MAPK12: variants seen among roughly 807,000 people sequenced by gnomAD.
MAPK12 encodes mitogen-activated protein kinase 12, also known as MAP kinase 12.
MAPK12 carries 49 observed loss-of-function variants against 49.1 expected under a neutral mutation model. The observed-to-expected ratio is 1.00, with a 90% CI of 0.79 to 1.27. MAPK12 has a LOEUF of 1.27. Ranked by LOEUF, MAPK12 falls within the 50% of genes most tolerant of loss-of-function variation. MAPK12 has a pLI of 0.00. For missense variants in MAPK12, 554 were observed against 502.4 expected, an observed-to-expected ratio of 1.10 and a Z score of -0.98; for synonymous variants, 251 against 209.7, an observed-to-expected ratio of 1.20 and a Z score of -1.70.
chr22:50,256,018 G>A, intron 7 of MAPK12, 67 bp downstream of exon 7: 1 of 1,533,954 alleles, frequency 6.5e-7, no homozygotes, highest in Non-Finnish European at 8.9e-7. Context: ...CCACAGGGCT[G>A]TCCGTGAAGA....
At chr22:50,258,176 C>G in intron 3 of MAPK12, 67 bp downstream of exon 3, 1 of 1,497,638 alleles carries the variant, frequency 6.7e-7, no homozygotes, top group Non-Finnish European at 9.3e-7. Flanking sequence ...AACCTAGAAC[C>G]TGAAGCCAGT....
At chr22:50,253,609 C>T (rs1385363478) in intron 11 of MAPK12, 129 bp from the exon 12 acceptor site, 2 of 642,330 alleles carry the variant, frequency 3.1e-6, no homozygotes, top group Admixed American at 4.6e-5. Context: ...GTGGTCTGAA[C>T]CACTGAGAGA....
chr22:50,257,487 G>A (rs555878483), intron 3 of MAPK12: 54 of 523,586 alleles, frequency 1.0e-4, no homozygotes, highest in South Asian at 1.0e-3. Context: ...CCGCTGAAGC[G>A]CCCTGCGTGC....
At chr22:50,255,578 G>GCCCCCCCCCCCCCCCCCCCCCCCCCCCAC in intron 9 of MAPK12, 37 bp downstream of exon 9, 1 of 1,581,974 alleles carries the variant, frequency 6.3e-7, no homozygotes, top group Non-Finnish European at 8.7e-7. Flanking sequence ...GCCCAGGTCC[G>GCCCCCCCCCCCCCCCCCCCCCCCCCCCAC]CCCCCACCCC....
In MAPK12 at chr22:50,255,698, C is replaced by T. The variant is rs1420278168; in HGVS notation, c.692-4G>A. 6.2e-7 allele frequency: 1 copy of T among 1,609,838 alleles called. No individual in the cohort carries two copies. The highest frequency in any genetic ancestry group is 1.1e-5 in the South Asian group (1 of 91,086). On this transcript the variant is annotated splice_region_variant and splice_polypyrimidine_tract_variant and intron_variant, in intron 8 of 11. Coordinates refer to ENST00000215659, the MANE Select transcript of MAPK12 (RefSeq NM_002969.6). Reference sequence around the variant, plus strand: ...ATCTCCTTCAGCTGGTCCAGGTCTGCACCGAGGTCAGGAACACAGCTCGGG... The same window carrying T: ...ATCTCCTTCAGCTGGTCCAGGTCTGTACCGAGGTCAGGAACACAGCTCGGG...
intron 2 of MAPK12, among the ~76,000 whole-genome samples, chr22:50,259,899 GA>G (rs1371795496): frequency 7.7e-6 from 1 of 129,546 alleles, no homozygotes; most frequent in African/African-American, 2.8e-5. Context: ...GAAAAAAAAA[GA>G]AAAAAAGCCC....
At position 50,255,336 on chromosome 22, in the gene MAPK12, G is replaced by A. The variant is rs772006683; in HGVS notation, c.885C>T (p.Asp295=). The A allele has an allele frequency of 1.1e-5, 18 of 1,613,388 alleles. No individual in the cohort carries two copies. Among genetic ancestry groups the A allele is most frequent in the Admixed American group, 6.7e-5 (4 of 60,008 alleles). ...CGCCTGCCGTCACCCGCTGCTCCGC[G>A]TCCAGCACCAGCATCTTCTCCAGGA... The part of the protein sequence containing the change: ...VNLLEKMLVL[D]AEQRVTAGEA... Residue 295 remains aspartate (D), a synonymous_variant, in exon 11 of 12, where the codon GAC becomes GAT. Transcript: ENST00000215659.
intron 11 of MAPK12, 153 bp from the exon 12 acceptor site, chr22:50,253,633 G>T: frequency 1.6e-6 from 1 of 621,584 alleles, no homozygotes; most frequent in Non-Finnish European, 2.9e-6. Context: ...TTTGTGTGAA[G>T]AGGCCATTGC....
At chr22:50,260,646 C>T (rs1248514654) in intron 2 of MAPK12, among the ~76,000 whole-genome samples, 1 of 152,202 alleles carries the variant, frequency 6.6e-6, no homozygotes, top group African/African-American at 2.4e-5. Flanking sequence ...CCCCCAGGGG[C>T]TCCTGAGGGT....
At chr22:50,261,087 G>A (rs1465805094) in intron 2 of MAPK12, 80 bp downstream of exon 2, 8 of 1,403,640 alleles carry the variant, frequency 5.7e-6, no homozygotes, top group African/African-American at 3.0e-5. Flanking sequence ...TGGAGGAGGG[G>A]TTGCCGGGTG....
chr22:50,254,994 G>A (rs1354110657), intron 11 of MAPK12: 8 of 1,452,484 alleles, frequency 5.5e-6, no homozygotes, highest in Non-Finnish European at 7.2e-6. Context: ...CACCTGACCT[G>A]CATCCCAGGG....
intron 3 of MAPK12, chr22:50,258,015 A>G (rs1485786563): frequency 2.7e-6 from 2 of 732,414 alleles, no homozygotes; most frequent in African/African-American, 3.5e-5. Context: ...CCAGGCGTGG[A>G]GAGAGGCAGC....
chr22:50,255,146 A>C, intron 11 of MAPK12, 51 bp downstream of exon 11: 2 of 1,606,812 alleles, frequency 1.2e-6, no homozygotes, highest in Non-Finnish European at 1.7e-6. Context: ...GGCCCTGCCC[A>C]GAGCCCCCCA....
chr22:50,255,578 G>GGCCCCCCCCCCCCCCCCCCCCCC, intron 9 of MAPK12, 37 bp downstream of exon 9: 4 of 1,581,858 alleles, frequency 2.5e-6, no homozygotes, highest in Non-Finnish European at 3.5e-6. Flanking sequence ...GCCCAGGTCC[G>GGCCCCCCCCCCCCCCCCCCCCCC]CCCCCACCCC....
At chr22:50,260,354 C>T (rs1461186138) in intron 2 of MAPK12, among the ~76,000 whole-genome samples, 4 of 151,920 alleles carry the variant, frequency 2.6e-5, no homozygotes, top group Non-Finnish European at 5.9e-5. Flanking sequence ...GGTCCGGGTG[C>T]CCAGACCACC....
chr22:50,259,180 C>T (rs1056369390), intron 2 of MAPK12, among the ~76,000 whole-genome samples: 10 of 152,130 alleles, frequency 6.6e-5, no homozygotes, highest in Non-Finnish European at 1.2e-4. Context: ...AGGACAGCTC[C>T]GCCGGAGCCA....
At chr22:50,253,616 GAGA>G (rs549915957) in intron 11 of MAPK12, 136 bp from the exon 12 acceptor site, 119 of 631,828 alleles carry the variant, frequency 1.9e-4, no homozygotes, top group African/African-American at 1.5e-3. Flanking sequence ...GAACCACTGA[GAGA>G]AGGTTTGTGT....
Position 50,255,426 on chromosome 22 carries a change from G to C in MAPK12, c.850+27C>G, listed in dbSNP as rs372344373. 2.2e-5 allele frequency: 36 copies of C among 1,612,748 alleles called. No individual in the cohort carries two copies. In the African/African-American group the frequency reaches 3.7e-4, roughly 17 times the overall value. ...CGGGAGGCCCCACACTCCAGCACCC[G>C]GTGGCCCCCACACTAGCCAGCCGTA... On this transcript the variant is annotated intron_variant, in intron 10 of 11. Coordinates refer to ENST00000215659, the MANE Select transcript of MAPK12 (RefSeq NM_002969.6).
At position 50,255,045 on chromosome 22, in the gene MAPK12, C is replaced by A. The variant is rs181718127; in HGVS notation, c.1024+152G>T. On this transcript the variant is annotated intron_variant, in intron 11 of 11. Transcript: ENST00000215659. ...TCTGAGCCTGGCCACCTGCACAGGG[C>A]CCACAGGGTCCACACAGGCCCTACC... 2,716 of 1,501,530 alleles carry A rather than the reference C, an allele frequency of 1.8e-3. 8 individuals are homozygous for A. Among genetic ancestry groups the A allele is most frequent in the Non-Finnish European group, 2.2e-3 (2,461 of 1,128,962 alleles). The allele number at this position is 1,501,530 out of a possible 1,614,324, so 93.0% of individuals were successfully genotyped here.
Sources: allele counts gnomAD v4.1 joint callset (sites outside exome capture counted in the v4.1 genomes callset), GRCh38; gene constraint gnomAD v4.1.1; transcripts MANE v1.5; gene names NCBI Gene and HGNC (gene_info 2026-07-23, HGNC 2026-07-21).